The following CRTAC1 variants were observed in gnomAD, a reference collection of about 807,000 sequenced individuals.
CRTAC1 encodes the protein acidic secreted protein in cartilage.
In CRTAC1, 37 loss-of-function variants were observed where a neutral mutation model predicts 67.8. The observed-to-expected ratio is 0.55, with a 90% confidence interval of 0.42 to 0.72. The LOEUF (loss-of-function observed/expected upper bound fraction) is 0.72. Among genes scored for constraint, CRTAC1 ranks in the 30% least tolerant of loss-of-function variants. CRTAC1 has a pLI of 0.00. For synonymous variants in CRTAC1, 348 were observed against 371.0 expected, an observed-to-expected ratio of 0.94 and a Z score of 0.71; for missense variants, 780 against 931.6, an observed-to-expected ratio of 0.84 and a Z score of 2.12.
At chr10:97,952,371 A>C (rs902617724) in intron 2 of CRTAC1, among the ~76,000 whole-genome samples, 9 of 149,558 alleles carry the variant, frequency 6.0e-5, no homozygotes, top group Non-Finnish European at 1.5e-5. Context: ...TAAATAAATA[A>C]ATAAATAAAT....
intron 3 of CRTAC1, among the ~76,000 whole-genome samples, chr10:97,929,458 C>T (rs2050970598): frequency 6.6e-6 from 1 of 152,160 alleles, no homozygotes; most frequent in Admixed American, 6.5e-5. Flanking sequence ...AGGCTTTCCC[C>T]ACCTGGGAGA....
chr10:97,946,879 C>T (rs1004022430), intron 2 of CRTAC1, among the ~76,000 whole-genome samples: 23 of 152,298 alleles, frequency 1.5e-4, no homozygotes, highest in African/African-American at 3.9e-4. Flanking sequence ...CGGTCTGGTT[C>T]GAGGACACTA....
intron 2 of CRTAC1, among the ~76,000 whole-genome samples, chr10:97,962,756 C>T (rs1379112278): frequency 3.3e-5 from 5 of 151,444 alleles, no homozygotes; most frequent in Non-Finnish European, 5.9e-5. Context: ...AACATCTGCT[C>T]TCTCTGTCAC....
In CRTAC1 at chr10:97,901,766, C is replaced by G. The variant is rs1037674467; in HGVS notation, c.997-127G>C. On this transcript the variant is annotated intron_variant, in intron 7 of 14. Transcript: ENST00000370597. ...TCCAACCCAAAAGCTCCTCTCCTGCCTCCCGCAAAGGACCTGGGGGCTGCC... is the reference window on the plus strand; with the variant it reads ...TCCAACCCAAAAGCTCCTCTCCTGCGTCCCGCAAAGGACCTGGGGGCTGCC... 28 of 1,192,722 alleles carry G rather than the reference C, an allele frequency of 2.3e-5. No individual in the cohort carries two copies. The African/African-American group carries it at 3.9e-4, about 17-fold the overall frequency. 73.9% of individuals were successfully genotyped at this position (1,192,722 alleles called of 1,614,324 possible).
At chr10:97,947,074 T>C (rs548895202) in intron 2 of CRTAC1, among the ~76,000 whole-genome samples, 3 of 152,356 alleles carry the variant, frequency 2.0e-5, no homozygotes, top group African/African-American at 7.2e-5. Flanking sequence ...TTGGTCTTTA[T>C]CTCTCTTTCA....
At chr10:97,874,844 C>T (rs2050128958) in intron 14 of CRTAC1, among the ~76,000 whole-genome samples, 3 of 152,214 alleles carry the variant, frequency 2.0e-5, no homozygotes, top group South Asian at 2.1e-4. Flanking sequence ...GGCATTCCAC[C>T]TCCATCCGGG....
At chr10:97,932,623 G>A (rs2051019536) in intron 3 of CRTAC1, among the ~76,000 whole-genome samples, 1 of 152,122 alleles carries the variant, frequency 6.6e-6, no homozygotes, top group South Asian at 2.1e-4. Flanking sequence ...GAACATCAGT[G>A]GGAAAAGCAT....
intron 9 of CRTAC1, among the ~76,000 whole-genome samples, chr10:97,896,479 A>G (rs1489788303): frequency 1.3e-5 from 2 of 152,196 alleles, no homozygotes; most frequent in Non-Finnish European, 2.9e-5. Flanking sequence ...AGGCAATGGC[A>G]GAGCTGGGTT....
intron 5 of CRTAC1, among the ~76,000 whole-genome samples, chr10:97,913,019 C>T (rs550518108): frequency 1.3e-5 from 2 of 152,210 alleles, no homozygotes; most frequent in South Asian, 4.1e-4. Flanking sequence ...AAACAGGATT[C>T]TGGTGAATGC....
intron 8 of CRTAC1, 38 bp from the exon 9 acceptor site, chr10:97,897,029 C>T: frequency 6.7e-7 from 1 of 1,485,396 alleles, no homozygotes; most frequent in African/African-American, 1.4e-5. Context: ...GGTGGGGTCT[C>T]AGAGGCCGCT....
At chr10:97,970,718 C>T (rs1477580930) in intron 2 of CRTAC1, among the ~76,000 whole-genome samples, 6 of 152,238 alleles carry the variant, frequency 3.9e-5, no homozygotes, top group Admixed American at 3.3e-4. Flanking sequence ...TCTTTTGTAA[C>T]ATCTTTCTCC....
At chr10:97,958,528 C>A (rs921600366) in intron 2 of CRTAC1, among the ~76,000 whole-genome samples, 1 of 152,058 alleles carries the variant, frequency 6.6e-6, no homozygotes, top group Non-Finnish European at 1.5e-5. Flanking sequence ...CCCACATTAC[C>A]CCCCATCGTT....
chr10:97,900,907 G>C (rs1362289307), intron 8 of CRTAC1, among the ~76,000 whole-genome samples: 1 of 106,152 alleles, frequency 9.4e-6, no homozygotes, highest in Non-Finnish European at 1.9e-5. Context: ...GCCCCTTTCT[G>C]TGGTAGTGAT....
chr10:97,953,085 A>G (rs957010465), intron 2 of CRTAC1, among the ~76,000 whole-genome samples: 7 of 151,912 alleles, frequency 4.6e-5, no homozygotes, highest in Non-Finnish European at 1.0e-4. Flanking sequence ...ATTTTATTTC[A>G]TTAGCTTTTT....
chr10:97,880,245 T>C lies in CRTAC1; in HGVS notation c.1819+4A>G, dbSNP rs1448648126. 6.2e-7 allele frequency: 1 copy of C among 1,613,814 alleles called. No individual in the cohort carries two copies. Among genetic ancestry groups the C allele is most frequent in the South Asian group, 1.1e-5 (1 of 91,072 alleles). ...TACTGGCCTATGGCTGGGGCCCCACTCACCCACGCAGGCTGTGCCATCCTC... is the reference window on the plus strand; with the variant it reads ...TACTGGCCTATGGCTGGGGCCCCACCCACCCACGCAGGCTGTGCCATCCTC... On this transcript the variant is annotated splice_donor_region_variant and intron_variant, in intron 14 of 14. Coordinates refer to ENST00000370597, the MANE Select transcript of CRTAC1 (RefSeq NM_018058.7).
At chr10:97,876,945 GTTTTTTTTTT>G (rs71007368) in intron 14 of CRTAC1, among the ~76,000 whole-genome samples, 2 of 53,406 alleles carry the variant, frequency 3.7e-5, no homozygotes, top group Non-Finnish European at 6.2e-5. Flanking sequence ...AGGAGGCTCT[GTTTTTTTTTT>G]TTTTTTTTTT....
rs756768647 is a variant in CRTAC1 at position 97,865,696 on chromosome 10, G to C, written c.1838C>G (p.Pro613Arg). ...GGTGGGGGTGGTGGGGCGGGGGCCC[G>C]GTGACTGGCCGAGAGTCCCTGTAGG... The part of the protein sequence containing the change: ...TACVGTLGQS[P>R]GPRPTTPTAA... The change falls in exon 15 of 15, where the codon CCG (proline) becomes CGG (arginine). Residue 613 changes from proline (P) to arginine (R), a missense_variant. Coordinates refer to ENST00000370597, the MANE Select transcript of CRTAC1 (RefSeq NM_018058.7). 6.2e-7 allele frequency: 1 copy of C among 1,604,382 alleles called. No homozygotes were observed. Among genetic ancestry groups the C allele is most frequent in the South Asian group, 1.1e-5 (1 of 89,862 alleles).
chr10:97,940,501 G>C (rs1455871742), intron 2 of CRTAC1, among the ~76,000 whole-genome samples: 1 of 152,260 alleles, frequency 6.6e-6, no homozygotes, highest in Non-Finnish European at 1.5e-5. Flanking sequence ...CAGCAGGCAG[G>C]GGTGATGGGC....
At chr10:98,024,758 T>C in intron 1 of CRTAC1, among the ~76,000 whole-genome samples, 1 of 103,218 alleles carries the variant, frequency 9.7e-6, no homozygotes, top group South Asian at 3.6e-4. Context: ...TTTTTTTTTT[T>C]TTTTTTTTTT....
Sources: allele counts gnomAD v4.1 joint callset (sites outside exome capture counted in the v4.1 genomes callset), GRCh38; gene constraint gnomAD v4.1.1; transcripts MANE v1.5; gene names NCBI Gene and HGNC (gene_info 2026-07-23, HGNC 2026-07-21).